Variants in SH3D21 observed in about 807,000 individuals in gnomAD.
The protein encoded by SH3D21 is SH3 domain-containing protein 21.
In SH3D21, 83 loss-of-function variants were observed where a neutral mutation model predicts 82.1. That is an observed-to-expected ratio of 1.01 (90% CI 0.85 to 1.21). The LOEUF is 1.21. SH3D21 is among the 50% of genes most tolerant of loss of function. The pLI is 0.00. For synonymous variants in SH3D21, 383 were observed against 387.8 expected (o/e 0.99, Z 0.15); for missense variants, 980 against 962.1 (o/e 1.02, Z -0.25).
downstream of SH3D21, chr1:36,321,350 A>C (rs1646459444): frequency 7.1e-7 from 1 of 1,403,216 alleles, no homozygotes; most frequent in Non-Finnish European, 9.3e-7. The surrounding 1 kb of genome is among the most constrained non-coding windows in gnomAD (Gnocchi z 6.1). Flanking sequence ...TACCGTTCCC[A>C]AGGCCTGCGC....
chr1:36,321,812 G>A (rs1261799098), downstream of SH3D21: 1 of 1,006,476 alleles, frequency 9.9e-7, no homozygotes, highest in Non-Finnish European at 1.2e-6. This position sits in a 1 kb window ranked among gnomAD's most constrained non-coding sequence, Gnocchi z 6.1. Flanking sequence ...GAATGCGCGC[G>A]CGCTTGCTCT....
Position 36,307,171 on chromosome 1 carries a change from TC to T in SH3D21, c.233del (p.Pro78LeufsTer13). On this transcript the variant is annotated frameshift_variant, in exon 4 of 16. Transcript: ENST00000453908. LOFTEE classifies it high-confidence loss of function. The surrounding 1 kb of genome is among the most constrained non-coding windows in gnomAD (Gnocchi z 5.4). ...RPRCARRRGH[P>X]AKHPRPQRWC... Reference sequence around the variant, plus strand: ...GCCGCGCTTGTCCGGTGCTAGGTCATCCTGCCAAACACCCGAGGCCCCAAAG... The same window carrying T: ...GCCGCGCTTGTCCGGTGCTAGGTCATCTGCCAAACACCCGAGGCCCCAAAG... The T allele has an allele frequency of 6.4e-7, 1 of 1,551,638 alleles. No individual in the cohort carries two copies. The highest frequency in any genetic ancestry group is 8.7e-7 in the Non-Finnish European group (1 of 1,146,966).
chr1:36,316,407 G>A (rs765682546), intron 10 of SH3D21, among the ~76,000 whole-genome samples: 7 of 152,120 alleles, frequency 4.6e-5, no homozygotes, highest in Admixed American at 3.9e-4. Context: ...GCTAATTTTT[G>A]TAGTTTTAGT....
Position 36,307,738 on chromosome 1 carries a change from G to T in SH3D21, c.437-32G>T. ...CTCCCATGACCTAACCTGTGAATTAGCACCCTCCCTAACCTCACTGTCCCC... is the reference window on the plus strand; with the variant it reads ...CTCCCATGACCTAACCTGTGAATTATCACCCTCCCTAACCTCACTGTCCCC... On this transcript the variant is annotated intron_variant, in intron 5 of 15. Coordinates refer to ENST00000453908, the MANE Select transcript of SH3D21 (RefSeq NM_001162530.2). This position sits in a 1 kb window ranked among gnomAD's most constrained non-coding sequence, Gnocchi z 5.4. 3 of 1,549,100 alleles carry T rather than the reference G, an allele frequency of 1.9e-6. No homozygotes were observed. The highest frequency in any genetic ancestry group is 2.6e-6 in the Non-Finnish European group (3 of 1,145,396).
rs1646122416 is a variant in SH3D21 at position 36,306,502 on chromosome 1, G to C, written c.4+78G>C. 1 of 1,304,608 alleles carries C rather than the reference G, an allele frequency of 7.7e-7. No homozygotes were observed. The highest frequency in any genetic ancestry group is 2.3e-5 in the Admixed American group (1 of 43,552). 80.8% of individuals were successfully genotyped at this position (1,304,608 alleles called of 1,614,324 possible). A position where few individuals can be genotyped will look rare whatever the true frequency, so the allele number is the denominator to read the frequency against. On this transcript the variant is annotated intron_variant, in intron 1 of 15. Coordinates refer to ENST00000453908, the MANE Select transcript of SH3D21 (RefSeq NM_001162530.2). This position sits in a 1 kb window ranked among gnomAD's most constrained non-coding sequence, Gnocchi z 4.5. ...GAGCCCACACCACCCCCCGACCCCCGCTGCCCTCTACGGTGCTTGGGGACA... is the reference window on the plus strand; with the variant it reads ...GAGCCCACACCACCCCCCGACCCCCCCTGCCCTCTACGGTGCTTGGGGACA...
At chr1:36,327,955 G>C, downstream of SH3D21, 2 of 1,017,964 alleles carry the variant, frequency 2.0e-6, no homozygotes, top group South Asian at 2.6e-5. Context: ...TCGGATCTCT[G>C]CACGTGTGTC....
downstream of SH3D21, chr1:36,322,870 G>A (rs553993091): frequency 6.5e-7 from 1 of 1,530,794 alleles, no homozygotes; most frequent in South Asian, 1.2e-5. Context: ...GGGCAAGAGG[G>A]CGGGGAGCGG....
Position 36,321,347 on chromosome 1 carries a change from C to A in SH3D21, c.*220C>A, listed in dbSNP as rs1330646524. 7.1e-7 allele frequency: 1 copy of A among 1,413,854 alleles called. No homozygotes were observed. The highest frequency in any genetic ancestry group is 9.2e-7 in the Non-Finnish European group (1 of 1,087,048). The allele number at this position is 1,413,854 out of a possible 1,614,324, so 87.6% of individuals were successfully genotyped here. On this transcript the variant is annotated 3_prime_UTR_variant, in exon 16 of 16. Coordinates refer to ENST00000453908, the MANE Select transcript of SH3D21 (RefSeq NM_001162530.2). This position sits in a 1 kb window ranked among gnomAD's most constrained non-coding sequence, Gnocchi z 6.1. ...CCAACATGTGGCTCCCATTACCGTT[C>A]CCAAGGCCTGCGCGCGGCTATTTTT... is the stretch of plus-strand genomic sequence containing the variant.
In SH3D21 at chr1:36,308,278, C is replaced by A. The variant is rs1021752832; in HGVS notation, c.639+69C>A. The A allele has an allele frequency of 3.1e-5, 45 of 1,457,350 alleles. No individual in the cohort carries two copies. In the African/African-American group the frequency reaches 3.7e-4, roughly 12 times the overall value. 90.3% of individuals were successfully genotyped at this position (1,457,350 alleles called of 1,614,324 possible). A position where few individuals can be genotyped will look rare whatever the true frequency, so the allele number is the denominator to read the frequency against. ...GAGAAAGGGTAGACCTGCACATGTA[C>A]CCCCTGAATCTAAAATAAACGTTGA... On this transcript the variant is annotated intron_variant, in intron 8 of 15. Coordinates refer to ENST00000453908, the MANE Select transcript of SH3D21 (RefSeq NM_001162530.2).
downstream of SH3D21, chr1:36,322,262 C>T (rs1200140307): frequency 1.4e-6 from 2 of 1,461,234 alleles, no homozygotes; most frequent in Non-Finnish European, 1.8e-6. Flanking sequence ...AGGTCCGGTA[C>T]CCCGAGCGCC....
chr1:36,316,527 G>A (rs868554883), intron 10 of SH3D21, among the ~76,000 whole-genome samples: 4 of 152,282 alleles, frequency 2.6e-5, no homozygotes, highest in South Asian at 4.1e-4. Context: ...GAGCCACCGC[G>A]CCTGGCCGAG....
downstream of SH3D21, chr1:36,328,438 C>A: frequency 3.3e-6 from 1 of 307,040 alleles, no homozygotes; most frequent in Non-Finnish European, 6.5e-6. Context: ...GCACCTGGGA[C>A]AGCTGCTGGA....
chr1:36,322,498 C>G (rs377723027), downstream of SH3D21: 3 of 1,602,696 alleles, frequency 1.9e-6, no homozygotes, highest in South Asian at 3.3e-5. Flanking sequence ...GCGGACAGCT[C>G]GGGGCCCGGC....
rs929720594 is a variant in SH3D21 at position 36,306,578 on chromosome 1, G to A, written c.5-20G>A. 4.6e-6 allele frequency: 6 copies of A among 1,302,334 alleles called. No individual in the cohort carries two copies. The African/African-American group carries it at 6.1e-5, about 13-fold the overall frequency. 80.7% of individuals were successfully genotyped at this position (1,302,334 alleles called of 1,614,324 possible). Reference sequence around the variant, plus strand: ...CTGGGCCTTTCTGAGCCGCACGCCGGCCCCGTCTTCCGCCCGCAGAAGTCC... The same window carrying A: ...CTGGGCCTTTCTGAGCCGCACGCCGACCCCGTCTTCCGCCCGCAGAAGTCC... On this transcript the variant is annotated intron_variant, in intron 1 of 15. Coordinates refer to ENST00000453908, the MANE Select transcript of SH3D21 (RefSeq NM_001162530.2). The surrounding 1 kb of genome is among the most constrained non-coding windows in gnomAD (Gnocchi z 4.5).
At chr1:36,314,427 G>A (rs535464926) in intron 10 of SH3D21, among the ~76,000 whole-genome samples, 32 of 147,726 alleles carry the variant, frequency 2.2e-4, no homozygotes, top group African/African-American at 6.5e-4. Flanking sequence ...ATATATATGC[G>A]TATATATATA....
downstream of SH3D21, chr1:36,322,364 C>A: frequency 6.3e-7 from 1 of 1,588,144 alleles, no homozygotes; most frequent in Non-Finnish European, 8.5e-7. Context: ...CTGTGCCCAG[C>A]AGGTCCGGCT....
chr1:36,308,235 C>A, intron 8 of SH3D21, 26 bp downstream of exon 8: 3 of 1,504,886 alleles, frequency 2.0e-6, no homozygotes, highest in Non-Finnish European at 2.7e-6. Context: ...GGTGGGGGGG[C>A]CCAGGGAAGC....
At chr1:36,326,227 T>C (rs1441846082), downstream of SH3D21, among the ~76,000 whole-genome samples, 1 of 45,904 alleles carries the variant, frequency 2.2e-5, no homozygotes, top group Non-Finnish European at 6.5e-5. Context: ...TTTTTCTTTC[T>C]TTCTTTCTTT....
At chr1:36,313,274 C>T (rs1215739613) in intron 10 of SH3D21, among the ~76,000 whole-genome samples, 4 of 151,548 alleles carry the variant, frequency 2.6e-5, no homozygotes, top group Admixed American at 1.3e-4. Flanking sequence ...TGCAGTGAGC[C>T]GAGATCGCGT....
Sources: allele counts gnomAD v4.1 joint callset (sites outside exome capture counted in the v4.1 genomes callset), GRCh38; gene constraint gnomAD v4.1.1; non-coding constraint Gnocchi (gnomAD v3.1); transcripts MANE v1.5; gene names NCBI Gene and HGNC (gene_info 2026-07-23, HGNC 2026-07-21).